ANK2: variants seen among roughly 807,000 people sequenced by gnomAD.
ANK2 encodes the protein ankyrin-2.
In ANK2, 83 loss-of-function variants were observed where a neutral mutation model predicts 360.5. The observed-to-expected ratio is 0.23, with a 90% CI of 0.19 to 0.28. ANK2 has a LOEUF of 0.28. Ranked by LOEUF, ANK2 falls within the 10% of genes least tolerant of loss-of-function variation. ANK2 has a pLI of 1.00. For missense variants in ANK2, 4,201 were observed against 4,795.7 expected (o/e 0.88, Z 3.66); for synonymous variants, 1,740 against 1,759.5 (o/e 0.99, Z 0.28).
At chr4:113,080,903 G>A (rs1326583513) in intron 1 of ANK2, among the ~76,000 whole-genome samples, 1 of 152,146 alleles carries the variant, frequency 6.6e-6, no homozygotes, top group Non-Finnish European at 1.5e-5. Context: ...GCATAGGAAA[G>A]AGACACAGGA....
At chr4:112,870,798 T>G (rs78705103) in intron 1 of ANK2, among the ~76,000 whole-genome samples, 4,507 of 152,280 alleles carry the variant, frequency 0.03, 82 homozygotes, top group Middle Eastern at 0.041. Context: ...CTATGTAAAT[T>G]TTAAGGATCA....
rs1288153554 is a variant in ANK2 at position 113,230,219 on chromosome 4, A to C, written c.385-1942A>C. Reference sequence around the variant, plus strand: ...ATTTTCCTCCAACATTTGAAGCCAGAAGATTTTCTTCTATAATCTTAATTT... The same window carrying C: ...ATTTTCCTCCAACATTTGAAGCCAGCAGATTTTCTTCTATAATCTTAATTT... On this transcript the variant is annotated intron_variant, in intron 4 of 45. Coordinates refer to ENST00000357077, the MANE Select transcript of ANK2 (RefSeq NM_001148.6). Among the ~76,000 whole-genome samples, 12 of 152,146 alleles carry C rather than the reference A, an allele frequency of 7.9e-5. No homozygotes were observed. In the South Asian group the frequency reaches 2.5e-3, roughly 32 times the overall value.
At chr4:113,302,134 A>G (rs2075320467) in intron 22 of ANK2, among the ~76,000 whole-genome samples, 1 of 152,206 alleles carries the variant, frequency 6.6e-6, no homozygotes, top group Non-Finnish European at 1.5e-5. Context: ...CCAGGCAGCT[A>G]GACTCAGATC....
upstream of ANK2, among the ~76,000 whole-genome samples, chr4:112,813,566 C>G (rs906099531): frequency 1.3e-5 from 2 of 151,810 alleles, no homozygotes; most frequent in Admixed American, 6.6e-5. Context: ...GACAGGGTCT[C>G]ACTCTGCCAC....
intron 4 of ANK2, among the ~76,000 whole-genome samples, chr4:113,230,309 T>C (rs1406186377): frequency 6.6e-6 from 1 of 152,212 alleles, no homozygotes; most frequent in Non-Finnish European, 1.5e-5. Flanking sequence ...TTGGCCATTT[T>C]AAATAATGTT....
chr4:113,189,318 C>T (rs564336682), intron 2 of ANK2, among the ~76,000 whole-genome samples: 2 of 152,224 alleles, frequency 1.3e-5, no homozygotes, highest in Admixed American at 6.5e-5. Flanking sequence ...CCCACAGAGT[C>T]CAGCATGCCA....
chr4:113,369,861 A>G (rs898701219), intron 43 of ANK2, 56 bp downstream of exon 43: 11 of 1,610,060 alleles, frequency 6.8e-6, no homozygotes, highest in Non-Finnish European at 8.5e-6. Flanking sequence ...CAAATCTTCC[A>G]GTTTCCATTT....
intron 1 of ANK2, among the ~76,000 whole-genome samples, chr4:113,132,186 C>T (rs2096080214): frequency 6.6e-6 from 1 of 152,068 alleles, no homozygotes; most frequent in African/African-American, 2.4e-5. Flanking sequence ...TTTGAGAATA[C>T]TCATCCTTGG....
intron 1 of ANK2, among the ~76,000 whole-genome samples, chr4:112,891,451 T>C (rs1359073114): frequency 6.6e-6 from 1 of 152,200 alleles, no homozygotes; most frequent in Non-Finnish European, 1.5e-5. Flanking sequence ...AGGAGTGCTA[T>C]TAATTATGCA....
At chr4:112,712,993 A>G in the ANK2 span, among the ~76,000 whole-genome samples, 1 of 152,140 alleles carries the variant, frequency 6.6e-6, no homozygotes, top group Non-Finnish European at 1.5e-5. Flanking sequence ...CCTCATGCTA[A>G]TCCTACTGTA....
At chr4:112,857,613 G>A (rs1428303297) in intron 1 of ANK2, among the ~76,000 whole-genome samples, 2 of 152,126 alleles carry the variant, frequency 1.3e-5, no homozygotes, top group Non-Finnish European at 2.9e-5. Context: ...TCTAGTCAGG[G>A]TTTAAAAAGA....
Position 113,354,904 on chromosome 4 carries a change from G to A in ANK2, c.6286G>A (p.Val2096Ile), listed in dbSNP as rs781709192. Residue 2096 changes from valine (V) to isoleucine (I), a missense_variant, in exon 38 of 46, where the codon GTT (valine) becomes ATT (isoleucine). Transcript: ENST00000357077. ...KVLSHKIPEP[V>I]QSVPEEESHR... is the part of the protein sequence containing the mutation. ...TCTCAGCCACAAAATACCTGAACCTGTTCAGTCAGTGCCTGAAGAAGAAAG... is the reference window on the plus strand; with the variant it reads ...TCTCAGCCACAAAATACCTGAACCTATTCAGTCAGTGCCTGAAGAAGAAAG... The A allele has an allele frequency of 2.0e-5, 32 of 1,614,098 alleles. No individual in the cohort carries two copies. Among genetic ancestry groups the A allele is most frequent in the Non-Finnish European group, 2.5e-5 (29 of 1,179,988 alleles).
At chr4:112,872,130 G>T (rs2073327331) in intron 1 of ANK2, among the ~76,000 whole-genome samples, 1 of 151,750 alleles carries the variant, frequency 6.6e-6, no homozygotes, top group African/African-American at 2.4e-5. Context: ...GGGCTCAAGG[G>T]ATCCTCCTGC....
At chr4:112,925,265 CA>C (rs2092377526) in intron 2 of ANK2, among the ~76,000 whole-genome samples, 1 of 151,940 alleles carries the variant, frequency 6.6e-6, no homozygotes, top group African/African-American at 2.4e-5. Context: ...TTGAAATGTA[CA>C]AGAAAGAAAA....
rs531953751 is a variant in ANK2 at position 112,910,363 on chromosome 4, T to C, written c.21+5849T>C. The stretch of plus-strand genomic sequence containing the variant: ...TTGCAAATCTTATAGGAAGGACCTG[T>C]CACAGAAAAGCTTTATTCAGTTGCA... On this transcript the variant is annotated intron_variant, in intron 2 of 30. Coordinates refer to the ANK2 transcript ENST00000503271. Among the ~76,000 whole-genome samples, 3 of 152,310 alleles carry C rather than the reference T, an allele frequency of 2.0e-5. No homozygotes were observed. In the East Asian group the frequency reaches 5.8e-4, roughly 29 times the overall value.
the ANK2 span, among the ~76,000 whole-genome samples, chr4:112,719,746 G>C: frequency 5.9e-4 from 89 of 150,222 alleles, no homozygotes; most frequent in African/African-American, 2.1e-3. Flanking sequence ...AAAAAAAGAA[G>C]GTATAATTCA....
chr4:113,226,173 G>C (rs979077122), intron 4 of ANK2, among the ~76,000 whole-genome samples: 3 of 152,114 alleles, frequency 2.0e-5, no homozygotes, highest in Admixed American at 1.3e-4. Flanking sequence ...TCTGGCCTCT[G>C]TTTTCCAATG....
chr4:113,258,441 A>G (rs1301721394), intron 13 of ANK2, 30 bp downstream of exon 13: 1 of 1,581,110 alleles, frequency 6.3e-7, no homozygotes, highest in East Asian at 2.2e-5. Context: ...GAATAACCCC[A>G]GGGAGGAAGA....
At chr4:112,964,311 TCCCCCACCCTCA>T (rs2036206423) in intron 2 of ANK2, among the ~76,000 whole-genome samples, 1 of 151,284 alleles carries the variant, frequency 6.6e-6, no homozygotes, top group Admixed American at 6.6e-5. Context: ...CATCCCCACT[TCCCCCACCCTCA>T]CCCCCACTAC....
Sources: allele counts gnomAD v4.1 joint callset (sites outside exome capture counted in the v4.1 genomes callset), GRCh38; gene constraint gnomAD v4.1.1; transcripts MANE v1.5; gene names NCBI Gene and HGNC (gene_info 2026-07-23, HGNC 2026-07-21).